FRMD4B: variants seen among roughly 807,000 people sequenced by gnomAD.
FRMD4B encodes FERM domain-containing protein 4B.
Under a neutral mutation model 141.5 loss-of-function variants are expected in FRMD4B, and 74 were observed. That is an observed-to-expected ratio of 0.52 (90% CI 0.43 to 0.63). FRMD4B has a LOEUF of 0.63. Ranked by LOEUF, FRMD4B falls within the 30% of genes least tolerant of loss-of-function variation. The pLI is 0.00. For missense variants in FRMD4B, 1,366 were observed against 1,253.4 expected (o/e 1.09, Z -1.36); for synonymous variants, 506 against 467.9 (o/e 1.08, Z -1.05).
At chr3:69,433,731 G>A (rs189869070) in intron 1 of FRMD4B, among the ~76,000 whole-genome samples, 1 of 152,328 alleles carries the variant, frequency 6.6e-6, no homozygotes, top group Admixed American at 6.5e-5. Context: ...AAGGTTGAGA[G>A]TTTCCTACAG....
At chr3:69,265,168 T>TGG in intron 5 of FRMD4B, among the ~76,000 whole-genome samples, 2 of 142,488 alleles carry the variant, frequency 1.4e-5, no homozygotes, top group African/African-American at 5.2e-5. Context: ...GGCAGGAGAA[T>TGG]TGCTTGAACC....
intron 5 of FRMD4B, among the ~76,000 whole-genome samples, chr3:69,278,077 A>T (rs1358725783): frequency 6.6e-6 from 1 of 151,712 alleles, no homozygotes; most frequent in South Asian, 2.1e-4. Flanking sequence ...GCTGGTCTCG[A>T]ACTCCTGTCC....
chr3:69,455,762 G>A (rs142895979), intron 1 of FRMD4B, among the ~76,000 whole-genome samples: 151 of 152,270 alleles, frequency 9.9e-4, no homozygotes, highest in African/African-American at 3.2e-3. Context: ...GCAACACTTT[G>A]TAATTCCAAT....
intron 7 of FRMD4B, among the ~76,000 whole-genome samples, chr3:69,238,920 G>A (rs1413394527): frequency 6.6e-6 from 1 of 152,090 alleles, no homozygotes; most frequent in African/African-American, 2.4e-5. Context: ...AATCCTAAAG[G>A]GGTGATCTGG....
upstream of FRMD4B, among the ~76,000 whole-genome samples, chr3:69,386,900 T>C (rs1001428215): frequency 1.3e-5 from 2 of 152,162 alleles, no homozygotes; most frequent in African/African-American, 4.8e-5. Context: ...GAATCGGTGG[T>C]TTAGTTCTGG....
intron 1 of FRMD4B, among the ~76,000 whole-genome samples, chr3:69,515,336 G>A (rs958744694): frequency 6.6e-6 from 1 of 152,152 alleles, no homozygotes; most frequent in African/African-American, 2.4e-5. Flanking sequence ...AGATTTGGGT[G>A]GGGCCACAGA....
Position 69,198,702 on chromosome 3 carries a change from G to C in FRMD4B, c.949C>G (p.Arg317Gly), listed in dbSNP as rs760708479. Reference sequence around the variant, plus strand: ...AGAAACGTCTTTGATCCTCACCTTCGTGGATCATGAACTTCAACAGCAAAT... The same window carrying C: ...AGAAACGTCTTTGATCCTCACCTTCCTGGATCATGAACTTCAACAGCAAAT... ...KKFAVEVHDPRRISVSRRTFG... is the reference protein window; with the variant it reads ...KKFAVEVHDPGRISVSRRTFG... Residue 317 changes from arginine to glycine, a missense_variant, in exon 12 of 23, where the codon CGA becomes GGA. Arg to Gly is a moderately radical substitution (Grantham distance 125). Transcript: ENST00000398540. 6.6e-7 allele frequency: 1 copy of C among 1,516,130 alleles called. No individual in the cohort carries two copies. Among genetic ancestry groups the C allele is most frequent in the South Asian group, 1.2e-5 (1 of 84,680 alleles). The allele number at this position is 1,516,130 out of a possible 1,614,324, so 93.9% of individuals were successfully genotyped here.
At chr3:69,478,724 C>G (rs1276534464) in intron 1 of FRMD4B, among the ~76,000 whole-genome samples, 1 of 152,114 alleles carries the variant, frequency 6.6e-6, no homozygotes, top group Non-Finnish European at 1.5e-5. Context: ...ATTAGGTCTG[C>G]TTGGTGCAGA....
Position 69,371,855 on chromosome 3 carries a change from A to G in FRMD4B, c.162+13973T>C, listed in dbSNP as rs114903685. 9.0e-3 allele frequency among the ~76,000 whole-genome samples: 1,378 copies of G among 152,322 alleles called. 26 individuals carry two copies. The highest frequency in any genetic ancestry group is 0.03 in the African/African-American group (1,248 of 41,560). On this transcript the variant is annotated intron_variant, in intron 1 of 22. Coordinates refer to ENST00000398540, the MANE Select transcript of FRMD4B (RefSeq NM_015123.3). ...TTGCTGTATCTCCACTGCCTCGACC[A>G]GGCCTAGAATGTAATAGGCCCTCAG... is the stretch of plus-strand genomic sequence containing the variant.
chr3:69,503,482 C>T (rs7624038), intron 1 of FRMD4B, among the ~76,000 whole-genome samples: 9,204 of 134,858 alleles, frequency 0.068, 337 homozygotes, highest in Non-Finnish European at 0.079. Context: ...GGGAACTGAA[C>T]AAGGAGAACA....
intron 7 of FRMD4B, among the ~76,000 whole-genome samples, chr3:69,245,765 G>C (rs2106747263): frequency 6.7e-6 from 1 of 148,336 alleles, no homozygotes; most frequent in Non-Finnish European, 1.5e-5. Context: ...CTGGGTTCAA[G>C]CAATTATCTC....
rs139747926 is a variant in FRMD4B, at chr3:69,177,326, G to C, written c.2852-670C>G. ...TGCACTCCAGCCTTGGTGACAGAGT[G>C]AGGCTCTGTCTCAAAATAAATAAAT... On this transcript the variant is annotated intron_variant, in intron 21 of 22. Transcript: ENST00000398540. Among the ~76,000 whole-genome samples the C allele has an allele frequency of 1.8e-4, 28 of 152,254 alleles. 1 individual carries two copies. Among genetic ancestry groups the C allele is most frequent in the African/African-American group, 6.7e-4 (28 of 41,552 alleles).
At chr3:69,375,132 CATCT>C (rs938293003) in intron 1 of FRMD4B, among the ~76,000 whole-genome samples, 36 of 151,150 alleles carry the variant, frequency 2.4e-4, no homozygotes, top group African/African-American at 8.8e-4. Flanking sequence ...AACATCCATC[CATCT>C]AACAATCCAC....
chr3:69,341,705 G>A (rs1702743919), intron 1 of FRMD4B, among the ~76,000 whole-genome samples: 1 of 152,198 alleles, frequency 6.6e-6, no homozygotes, highest in Non-Finnish European at 1.5e-5. Context: ...CCTTTAGGAG[G>A]TGGTTAAACC....
intron 19 of FRMD4B, 132 bp downstream of exon 19, chr3:69,187,638 C>A (rs2107619105): frequency 2.8e-6 from 2 of 707,414 alleles, no homozygotes; most frequent in Non-Finnish European, 4.3e-6. Context: ...TTCTATGCCC[C>A]AGTTTTACAA....
chr3:69,256,280 T>C (rs1575663165), intron 5 of FRMD4B, among the ~76,000 whole-genome samples: 1 of 152,098 alleles, frequency 6.6e-6, no homozygotes, highest in South Asian at 2.1e-4. Context: ...TAGATCTACA[T>C]GGAGGTAGGA....
chr3:69,410,168 G>A (rs1027909006), intron 2 of FRMD4B, among the ~76,000 whole-genome samples: 9 of 152,128 alleles, frequency 5.9e-5, no homozygotes, highest in African/African-American at 1.7e-4. Flanking sequence ...GTTAACTTTC[G>A]TTGGTACCTT....
At chr3:69,231,966 C>A (rs546022559) in intron 7 of FRMD4B, among the ~76,000 whole-genome samples, 1 of 152,144 alleles carries the variant, frequency 6.6e-6, no homozygotes, top group South Asian at 2.1e-4. Context: ...AAGGGATCTA[C>A]GGAGCTTGTA....
intron 1 of FRMD4B, among the ~76,000 whole-genome samples, chr3:69,329,029 G>C (rs764234011): frequency 4.0e-5 from 6 of 151,850 alleles, no homozygotes; most frequent in Non-Finnish European, 8.8e-5. Context: ...TTTCCTGCTC[G>C]AGATCTAAGA....
Sources: gnomAD v4.1 joint callset for allele counts (sites outside exome capture counted in the v4.1 genomes callset) on GRCh38, gnomAD v4.1.1 for gene constraint, MANE v1.5 for transcripts, NCBI Gene and HGNC (gene_info 2026-07-23, HGNC 2026-07-21) for gene names.